Variants in TNIK observed in about 807,000 individuals in gnomAD.
The protein encoded by TNIK is TRAF2 and NCK interacting kinase, also known as TRAF2 and NCK-interacting protein kinase.
In TNIK, 49 loss-of-function variants were observed where a neutral mutation model predicts 191.3. The observed-to-expected ratio is 0.26, with a 90% CI of 0.20 to 0.32. The LOEUF (loss-of-function observed/expected upper bound fraction) is 0.32, where lower values mean the gene tolerates loss of function less well. Among genes scored for constraint, TNIK ranks in the 10% least tolerant of loss-of-function variants. The pLI is 1.00. For missense variants in TNIK, 1,155 were observed against 1,702.3 expected (o/e 0.68, Z 5.66); for synonymous variants, 594 against 600.9 (o/e 0.99, Z 0.17).
chr3:171,114,319 T>C (rs902500000), intron 18 of TNIK, among the ~76,000 whole-genome samples: 1 of 152,244 alleles, frequency 6.6e-6, no homozygotes, highest in African/African-American at 2.4e-5. Flanking sequence ...GCTTTAACTT[T>C]GCTCTGCCCA....
intron 23 of TNIK, among the ~76,000 whole-genome samples, chr3:171,090,019 A>G (rs887254472): frequency 1.3e-5 from 2 of 152,302 alleles, no homozygotes; most frequent in South Asian, 4.1e-4. Context: ...AAGAGGGACC[A>G]GATTCCCACT....
intron 16 of TNIK, among the ~76,000 whole-genome samples, chr3:171,126,425 A>G (rs1450241870): frequency 6.6e-6 from 1 of 152,218 alleles, no homozygotes; most frequent in African/African-American, 2.4e-5. Context: ...CTGTATATTT[A>G]GTGAATATTT....
chr3:171,253,367 G>A (rs1032739078), intron 2 of TNIK, among the ~76,000 whole-genome samples: 1 of 151,908 alleles, frequency 6.6e-6, no homozygotes, highest in African/African-American at 2.4e-5. Flanking sequence ...TCAGTGAGGT[G>A]CGAAAGGTCT....
chr3:171,072,815 G>GAC (rs1390344065), intron 28 of TNIK, among the ~76,000 whole-genome samples: 6 of 150,812 alleles, frequency 4.0e-5, no homozygotes, highest in Admixed American at 2.0e-4. Context: ...TATAATAACA[G>GAC]ACACACACAC....
At chr3:171,156,661 A>G (rs1373332375) in intron 12 of TNIK, among the ~76,000 whole-genome samples, 1 of 152,232 alleles carries the variant, frequency 6.6e-6, no homozygotes, top group African/African-American at 2.4e-5. Context: ...GTAAGACCAC[A>G]AGGTGAGAGT....
At chr3:171,359,196 C>T (rs983419327) in intron 2 of TNIK, among the ~76,000 whole-genome samples, 13 of 152,156 alleles carry the variant, frequency 8.5e-5, no homozygotes, top group Admixed American at 1.3e-4. Flanking sequence ...CTAGGAGCCT[C>T]ATACCACCTC....
chr3:171,377,287 T>C (rs1717393550), intron 1 of TNIK, among the ~76,000 whole-genome samples: 1 of 152,214 alleles, frequency 6.6e-6, no homozygotes, highest in South Asian at 2.1e-4. Flanking sequence ...ACAGGGAGAC[T>C]GGAGCCTCCT....
At chr3:171,318,370 A>T (rs1754854294) in intron 2 of TNIK, among the ~76,000 whole-genome samples, 1 of 152,212 alleles carries the variant, frequency 6.6e-6, no homozygotes, top group Non-Finnish European at 1.5e-5. Flanking sequence ...ATCATTTTCC[A>T]AAACATATTA....
intron 1 of TNIK, among the ~76,000 whole-genome samples, chr3:171,402,937 A>G (rs1187622484): frequency 6.6e-6 from 1 of 152,220 alleles, no homozygotes; most frequent in African/African-American, 2.4e-5. Flanking sequence ...GTATTTTTAA[A>G]AATTGTAGGA....
intron 29 of TNIK, among the ~76,000 whole-genome samples, chr3:171,070,520 T>C (rs1476974589): frequency 6.6e-6 from 1 of 151,898 alleles, no homozygotes; most frequent in Non-Finnish European, 1.5e-5. Context: ...ACTTGGGCTA[T>C]GGATAGGTTA....
chr3:171,100,746 G>GAAAAAAA (rs111353325), intron 22 of TNIK, among the ~76,000 whole-genome samples: 1 of 92,942 alleles, frequency 1.1e-5, no homozygotes, highest in East Asian at 2.9e-4. Flanking sequence ...TCCTCACCTT[G>GAAAAAAA]AAAAAAAAAA....
chr3:171,136,967 A>T (rs1291903706), intron 15 of TNIK, among the ~76,000 whole-genome samples: 1 of 152,210 alleles, frequency 6.6e-6, no homozygotes, highest in Non-Finnish European at 1.5e-5. Context: ...GTGATAAAAA[A>T]TTCTTCATCA....
intron 1 of TNIK, among the ~76,000 whole-genome samples, chr3:171,376,979 G>T (rs908337932): frequency 1.3e-5 from 2 of 152,134 alleles, no homozygotes; most frequent in Admixed American, 1.3e-4. Context: ...TTCTTCATCT[G>T]TAATTTGGGA....
chr3:171,389,687 CT>C (rs1390326853), intron 1 of TNIK, among the ~76,000 whole-genome samples: 5 of 152,124 alleles, frequency 3.3e-5, no homozygotes, highest in Non-Finnish European at 5.9e-5. Flanking sequence ...AGATAATGTC[CT>C]CCATTTGCCA....
chr3:171,354,957 T>C (rs1713807693), intron 2 of TNIK, among the ~76,000 whole-genome samples: 1 of 152,208 alleles, frequency 6.6e-6, no homozygotes, highest in East Asian at 1.9e-4. Flanking sequence ...CTGTTTTGGG[T>C]TCTGTTAGCA....
At chr3:171,440,351 C>T (rs1726629795) in intron 1 of TNIK, among the ~76,000 whole-genome samples, 1 of 152,030 alleles carries the variant, frequency 6.6e-6, no homozygotes, top group Non-Finnish European at 1.5e-5. Context: ...TGATTGCAAC[C>T]CATTAAACTC....
rs190686983 is a variant in TNIK, at chr3:171,226,658, A to C, written c.180+1507T>G. On this transcript the variant is annotated intron_variant, in intron 3 of 32. Transcript: ENST00000436636. ...AAATTTGAACTTTTGTAATACCTAA[A>C]ACTTAAATAATATATTTAAGACAAA... Among the ~76,000 whole-genome samples, 165 of 152,310 alleles carry C rather than the reference A, an allele frequency of 1.1e-3. 2 individuals carry two copies. Among genetic ancestry groups the C allele is most frequent in the African/African-American group, 3.7e-3 (152 of 41,590 alleles).
intron 2 of TNIK, among the ~76,000 whole-genome samples, chr3:171,259,758 A>G (rs1217234447): frequency 6.6e-6 from 1 of 152,158 alleles, no homozygotes; most frequent in Non-Finnish European, 1.5e-5. Context: ...ATATCATGGA[A>G]TCATAATTCT....
At position 171,288,459 on chromosome 3, in the gene TNIK, G is replaced by A. The variant is rs139837712; in HGVS notation, c.124-60238C>T. On this transcript the variant is annotated intron_variant, in intron 2 of 32. Coordinates refer to ENST00000436636, the MANE Select transcript of TNIK (RefSeq NM_015028.4). ...TGGTGTTGTACTATCCACCATAAGG[G>A]CTGGTGGCATGAGGAACATTCAGGA... 4.9e-3 allele frequency among the ~76,000 whole-genome samples: 750 copies of A among 152,172 alleles called. 2 individuals are homozygous for A. The highest frequency in any genetic ancestry group is 7.6e-3 in the Non-Finnish European group (520 of 67,996).
Sources: allele counts gnomAD v4.1 joint callset (sites outside exome capture counted in the v4.1 genomes callset), GRCh38; gene constraint gnomAD v4.1.1; transcripts MANE v1.5; gene names NCBI Gene and HGNC (gene_info 2026-07-23, HGNC 2026-07-21).